The following TCF12 variants were observed in gnomAD, a reference collection of about 807,000 sequenced individuals.
The protein encoded by TCF12 is DNA-binding protein HTF4.
Under a neutral mutation model 86.0 loss-of-function variants are expected in TCF12, and 45 were observed. The observed-to-expected ratio is 0.52, with a 90% CI of 0.41 to 0.67. The LOEUF (loss-of-function observed/expected upper bound fraction) is 0.67, where lower values mean the gene tolerates loss of function less well. Ranked by LOEUF, TCF12 falls within the 30% of genes least tolerant of loss-of-function variation. TCF12 has a pLI of 0.00. For synonymous variants in TCF12, 330 were observed against 299.6 expected, an observed-to-expected ratio of 1.10 and a Z score of -1.05; for missense variants, 881 against 859.9, an observed-to-expected ratio of 1.02 and a Z score of -0.31.
intron 16 of TCF12, among the ~76,000 whole-genome samples, chr15:57,256,864 T>G (rs1597687712): frequency 6.6e-6 from 1 of 152,350 alleles, no homozygotes; most frequent in East Asian, 1.9e-4. Context: ...AGATGACATT[T>G]TTGTTATAAT....
At chr15:57,052,038 C>G (rs1567324033) in intron 3 of TCF12, among the ~76,000 whole-genome samples, 2 of 152,100 alleles carry the variant, frequency 1.3e-5, no homozygotes, top group South Asian at 4.1e-4. Flanking sequence ...GTTTTAATTA[C>G]TAGAGCTTTG....
At chr15:56,937,607 C>T (rs2060525253) in intron 3 of TCF12, among the ~76,000 whole-genome samples, 1 of 151,782 alleles carries the variant, frequency 6.6e-6, no homozygotes, top group Non-Finnish European at 1.5e-5. Context: ...TGAGAGTGGG[C>T]ATCCTTGTCT....
chr15:57,157,214 A>AC (rs1162836379), intron 5 of TCF12, among the ~76,000 whole-genome samples: 7 of 152,168 alleles, frequency 4.6e-5, no homozygotes, highest in African/African-American at 1.7e-4. Context: ...TTTAAGAATG[A>AC]GATAAACATT....
intron 6 of TCF12, among the ~76,000 whole-genome samples, chr15:57,167,341 A>C (rs1466952388): frequency 1.3e-5 from 2 of 152,142 alleles, no homozygotes; most frequent in Non-Finnish European, 2.9e-5. Context: ...TAGGAGAATC[A>C]CTTGAGCTCA....
At chr15:57,068,868 G>A (rs1343965184) in intron 4 of TCF12, among the ~76,000 whole-genome samples, 1 of 152,122 alleles carries the variant, frequency 6.6e-6, no homozygotes, top group Non-Finnish European at 1.5e-5. Context: ...TAGGGTTTTG[G>A]TGAAGATGAA....
At chr15:57,119,781 T>C (rs1315697476) in intron 5 of TCF12, among the ~76,000 whole-genome samples, 2 of 152,170 alleles carry the variant, frequency 1.3e-5, no homozygotes, top group Non-Finnish European at 2.9e-5. Context: ...CAATCCTAAA[T>C]AGGAATTCAC....
At chr15:57,208,653 G>A (rs1421738432) in intron 8 of TCF12, among the ~76,000 whole-genome samples, 1 of 151,808 alleles carries the variant, frequency 6.6e-6, no homozygotes, top group Non-Finnish European at 1.5e-5. Flanking sequence ...CCAAAGTCCT[G>A]GGATTACATG....
At chr15:57,261,093 G>A (rs2060566759) in intron 16 of TCF12, among the ~76,000 whole-genome samples, 1 of 152,148 alleles carries the variant, frequency 6.6e-6, no homozygotes, top group African/African-American at 2.4e-5. Context: ...TAGAGAAAGG[G>A]TGTAGTGGAG....
At chr15:57,083,890 T>G (rs2048466566) in intron 4 of TCF12, among the ~76,000 whole-genome samples, 1 of 152,208 alleles carries the variant, frequency 6.6e-6, no homozygotes, top group Admixed American at 6.5e-5. Context: ...TCTATAAATT[T>G]TATAGAAGTT....
intron 5 of TCF12, among the ~76,000 whole-genome samples, chr15:57,098,911 A>T (rs1446450817): frequency 6.6e-6 from 1 of 152,148 alleles, no homozygotes; most frequent in African/African-American, 2.4e-5. Context: ...AGAACTGGAG[A>T]GGCAAATTGG....
intron 3 of TCF12, among the ~76,000 whole-genome samples, chr15:57,041,862 G>A (rs1012664460): frequency 1.3e-5 from 2 of 152,084 alleles, no homozygotes; most frequent in African/African-American, 4.8e-5. Context: ...TTACTTGATC[G>A]CATTACTAGT....
intron 6 of TCF12, among the ~76,000 whole-genome samples, chr15:57,180,358 G>C (rs1229670285): frequency 6.6e-6 from 1 of 152,042 alleles, no homozygotes; most frequent in Non-Finnish European, 1.5e-5. Flanking sequence ...TTCGAAATTA[G>C]AACAACAACT....
At chr15:56,984,422 AT>A (rs1316514076) in intron 3 of TCF12, among the ~76,000 whole-genome samples, 1 of 152,040 alleles carries the variant, frequency 6.6e-6, no homozygotes, top group Non-Finnish European at 1.5e-5. Flanking sequence ...TAAGACCTTA[AT>A]TGCACTTTCA....
chr15:57,164,142 T>C (rs1185526788), intron 5 of TCF12, among the ~76,000 whole-genome samples: 1 of 152,110 alleles, frequency 6.6e-6, no homozygotes, highest in Non-Finnish European at 1.5e-5. Context: ...GCAAATTCAT[T>C]TAGTATATTG....
intron 3 of TCF12, among the ~76,000 whole-genome samples, chr15:56,931,269 G>A (rs1159426183): frequency 1.3e-5 from 2 of 152,112 alleles, no homozygotes; most frequent in African/African-American, 4.8e-5. Context: ...CCAATACATT[G>A]ATTTAGGGAA....
chr15:57,247,099 C>A, intron 13 of TCF12: 1 of 575,892 alleles, frequency 1.7e-6, no homozygotes, highest in South Asian at 1.5e-5. Flanking sequence ...TTATAGTTCC[C>A]ACCACCACCG....
rs2566847 is a variant in TCF12, at chr15:57,007,421, T to A, written c.149-56329T>A. Among the ~76,000 whole-genome samples the A allele has an allele frequency of 8.4e-3, 1,284 of 152,248 alleles. 26 individuals are homozygous for A. Among genetic ancestry groups the A allele is most frequent in the African/African-American group, 0.029 (1,216 of 41,554 alleles). ...CGTGTATTCTGTTTGAGGAGGACAA[T>A]CAGTAAAAAAGATAAAATGAAGAAT... On this transcript the variant is annotated intron_variant, in intron 3 of 20. Coordinates refer to ENST00000333725, the MANE Select transcript of TCF12 (RefSeq NM_207037.2).
intron 8 of TCF12, among the ~76,000 whole-genome samples, chr15:57,220,847 T>C (rs575277590): frequency 3.0e-4 from 46 of 152,122 alleles, no homozygotes; most frequent in Non-Finnish European, 6.6e-4. Context: ...CACAAATAAT[T>C]TTACCCTCAG....
chr15:57,132,925 C>T (rs1363807303), intron 5 of TCF12, among the ~76,000 whole-genome samples: 1 of 152,150 alleles, frequency 6.6e-6, no homozygotes, highest in Non-Finnish European at 1.5e-5. Context: ...ATGCACTATA[C>T]AGAGTCACCC....
Sources: allele counts gnomAD v4.1 joint callset (sites outside exome capture counted in the v4.1 genomes callset), GRCh38; gene constraint gnomAD v4.1.1; transcripts MANE v1.5; gene names NCBI Gene and HGNC (gene_info 2026-07-23, HGNC 2026-07-21).